The following C11orf65 variants were observed in gnomAD, a reference collection of about 807,000 sequenced individuals.
The protein encoded by C11orf65 is chromosome 11 open reading frame 65.
C11orf65 carries 38 observed loss-of-function variants against 35.3 expected under a neutral mutation model. The ratio of observed to expected loss-of-function variants is 1.08; its 90% CI spans 0.83 to 1.41. The LOEUF is 1.41. Ranked by LOEUF, C11orf65 falls within the 40% of genes most tolerant of loss-of-function variation. The probability of loss-of-function intolerance (pLI) is 0.00; values close to 1 mark genes in which losing one functional copy is unlikely to be tolerated. For missense variants in C11orf65, 370 were observed against 367.1 expected (o/e 1.01, Z -0.06); for synonymous variants, 105 against 114.4 (o/e 0.92, Z 0.53).
chr11:108,410,347 C>A (rs2092632160), intron 3 of C11orf65, among the ~76,000 whole-genome samples: 1 of 152,158 alleles, frequency 6.6e-6, no homozygotes, highest in Non-Finnish European at 1.5e-5. Flanking sequence ...ATCTATCAGT[C>A]ATGCTAGTAG....
At chr11:108,349,236 G>A (rs1486748633) in intron 2 of C11orf65, among the ~76,000 whole-genome samples, 2 of 152,198 alleles carry the variant, frequency 1.3e-5, no homozygotes, top group African/African-American at 4.8e-5. Context: ...CAGAGAGGAT[G>A]AATGCTGAAA....
chr11:108,373,213 A>G (rs747849846), intron 2 of C11orf65, among the ~76,000 whole-genome samples: 20 of 152,254 alleles, frequency 1.3e-4, no homozygotes, highest in Non-Finnish European at 4.4e-5. Context: ...AAATGGCATT[A>G]TTCCAGATTG....
At chr11:108,404,797 C>T (rs761189106) in intron 6 of C11orf65, among the ~76,000 whole-genome samples, 2 of 152,076 alleles carry the variant, frequency 1.3e-5, no homozygotes, top group Non-Finnish European at 2.9e-5. Context: ...TATGCCAATA[C>T]CACAATGTCA....
chr11:108,321,431 CG>C lies in C11orf65; in HGVS notation c.641-12361del, dbSNP rs1555117290. 1.2e-6 allele frequency: 2 copies of C among 1,613,878 alleles called. No homozygotes were observed. Among genetic ancestry groups the C allele is most frequent in the East Asian group, 4.5e-5 (2 of 44,870 alleles). On this transcript the variant is annotated intron_variant, in intron 6 of 6. Transcript: ENST00000525729. Reference sequence around the variant, plus strand: ...GGAGCTTTTCTCAAGGTATGTAATTCGTATGACTTTGTTATCCTAAAGTGCA... The same window carrying C: ...GGAGCTTTTCTCAAGGTATGTAATTCTATGACTTTGTTATCCTAAAGTGCA...
At position 108,444,810 on chromosome 11, in the gene C11orf65, C is replaced by T. The variant is rs577677739; in HGVS notation, c.82-12972G>A. ...CGAGCTGAAGCAGGGCAAGGCATTG[C>T]CTCACTCCGGCAGCGCAAGGGGTCA... On this transcript the variant is annotated intron_variant, in intron 2 of 8. Coordinates refer to ENST00000393084, the MANE Select transcript of C11orf65 (RefSeq NM_152587.5). Among the ~76,000 whole-genome samples the T allele has an allele frequency of 2.6e-4, 39 of 152,300 alleles. 1 individual carries two copies. Among genetic ancestry groups the T allele is most frequent in the African/African-American group, 8.7e-4 (36 of 41,552 alleles).
At chr11:108,367,614 G>C (rs2091402306) in intron 2 of C11orf65, 1 of 208,262 alleles carries the variant, frequency 4.8e-6, no homozygotes, top group Admixed American at 5.9e-5. Flanking sequence ...CTTTCTCCTC[G>C]TATTTGGACC....
chr11:108,380,901 A>AT (rs1345352254), downstream of C11orf65, among the ~76,000 whole-genome samples: 1 of 152,188 alleles, frequency 6.6e-6, no homozygotes. Context: ...AAAATGCATG[A>AT]TTTACTATTA....
At chr11:108,451,173 A>G (rs2093342964) in intron 2 of C11orf65, among the ~76,000 whole-genome samples, 1 of 151,988 alleles carries the variant, frequency 6.6e-6, no homozygotes, top group African/African-American at 2.4e-5. Context: ...CAGGCAGGAG[A>G]AAGAAATAAA....
chr11:108,369,940 A>G (rs1360400568), intron 2 of C11orf65, among the ~76,000 whole-genome samples: 5 of 152,252 alleles, frequency 3.3e-5, no homozygotes, highest in Middle Eastern at 3.4e-3. Flanking sequence ...TTCTTTGCTG[A>G]TATTTCTACT....
chr11:108,463,579 C>T (rs2093497694), intron 1 of C11orf65, among the ~76,000 whole-genome samples: 1 of 152,120 alleles, frequency 6.6e-6, no homozygotes, highest in South Asian at 2.1e-4. Flanking sequence ...CAAATTCTAC[C>T]TCATTCTTAG....
Position 108,321,325 on chromosome 11 carries a change from T to G in C11orf65, c.641-12254A>C, listed in dbSNP as rs587781789. The G allele has an allele frequency of 1.2e-6, 2 of 1,614,192 alleles. No individual in the cohort carries two copies. The highest frequency in any genetic ancestry group is 8.5e-7 in the Non-Finnish European group (1 of 1,180,004). Reference sequence around the variant, plus strand: ...GAGTAAAAGAAGTGGAAGAGATGTGTAAGCGCAGCCTTGAGTCTGTGTATT... The same window carrying G: ...GAGTAAAAGAAGTGGAAGAGATGTGGAAGCGCAGCCTTGAGTCTGTGTATT... On this transcript the variant is annotated intron_variant, in intron 6 of 6. Coordinates refer to the C11orf65 transcript ENST00000525729.
rs2136306738 is a variant in C11orf65, at chr11:108,325,312, C to G, written c.641-16241G>C. On this transcript the variant is annotated intron_variant, in intron 6 of 6. Transcript: ENST00000525729. ...GAACTCTATGTCGTGGCATTCAGAT[C>G]AGTCACACATAGACAACTCTCTGAA... The G allele has an allele frequency of 7.3e-7, 1 of 1,362,238 alleles. No homozygotes were observed. Among genetic ancestry groups the G allele is most frequent in the African/African-American group, 1.5e-5 (1 of 64,904 alleles). The allele number at this position is 1,362,238 out of a possible 1,614,324, so 84.4% of individuals were successfully genotyped here. A position where few individuals can be genotyped will look rare whatever the true frequency, so the allele number is the denominator to read the frequency against.
At chr11:108,455,893 C>A (rs59333417) in intron 2 of C11orf65, among the ~76,000 whole-genome samples, 3,908 of 150,944 alleles carry the variant, frequency 0.026, 180 homozygotes, top group African/African-American at 0.09. Context: ...GTGGTTCATG[C>A]CTGTAATCCC....
At chr11:108,431,987 G>A (rs2092996609) in intron 2 of C11orf65, 149 bp from the exon 3 acceptor site, 2 of 440,710 alleles carry the variant, frequency 4.5e-6, no homozygotes, top group Non-Finnish European at 8.1e-6. Flanking sequence ...ATGCACTCAG[G>A]GTTTGCTTTG....
intron 6 of C11orf65, chr11:108,310,119 GT>G (rs2084016074): frequency 6.3e-7 from 1 of 1,590,092 alleles, no homozygotes; most frequent in African/African-American, 1.3e-5. Context: ...TGATATTGAA[GT>G]TTAAAAAAGT....
chr11:108,433,098 T>C (rs1288193858), intron 2 of C11orf65, among the ~76,000 whole-genome samples: 1 of 152,048 alleles, frequency 6.6e-6, no homozygotes, highest in East Asian at 1.9e-4. Context: ...ATATCTAGGA[T>C]AGCTGGGCCT....
chr11:108,385,093 C>T (rs1382720586), intron 8 of C11orf65, among the ~76,000 whole-genome samples: 1 of 151,600 alleles, frequency 6.6e-6, no homozygotes, highest in East Asian at 1.9e-4. Context: ...CTATAAGTAA[C>T]TTTTTTTCTT....
intron 2 of C11orf65, among the ~76,000 whole-genome samples, chr11:108,350,716 T>A (rs2089084754): frequency 1.3e-5 from 2 of 152,138 alleles, no homozygotes; most frequent in Admixed American, 6.6e-5. Flanking sequence ...AAGGTGGGGA[T>A]CTCAACAGAG....
chr11:108,456,264 T>A (rs1036655295), intron 2 of C11orf65, among the ~76,000 whole-genome samples: 1 of 152,214 alleles, frequency 6.6e-6, no homozygotes, highest in Non-Finnish European at 1.5e-5. Context: ...CAGCAATTCA[T>A]TGTGAAAAGG....
Sources: gnomAD v4.1 joint callset for allele counts (sites outside exome capture counted in the v4.1 genomes callset) on GRCh38, gnomAD v4.1.1 for gene constraint, MANE v1.5 for transcripts, NCBI Gene and HGNC (gene_info 2026-07-23, HGNC 2026-07-21) for gene names.